DLG2: variants seen among roughly 807,000 people sequenced by gnomAD.
The protein encoded by DLG2 is disks large homolog 2.
In DLG2, 45 loss-of-function variants were observed where a neutral mutation model predicts 132.5. That is an observed-to-expected ratio of 0.34 (90% CI 0.27 to 0.44). DLG2 has a LOEUF of 0.44. Ranked by LOEUF, DLG2 falls within the 20% of genes least tolerant of loss-of-function variation. DLG2 has a pLI of 1.00. For synonymous variants in DLG2, 424 were observed against 419.6 expected, an observed-to-expected ratio of 1.01 and a Z score of -0.13; for missense variants, 1,045 against 1,196.9, an observed-to-expected ratio of 0.87 and a Z score of 1.87.
At chr11:85,592,490 G>A (rs751010300) in intron 3 of DLG2, among the ~76,000 whole-genome samples, 1 of 152,236 alleles carries the variant, frequency 6.6e-6, no homozygotes, top group South Asian at 2.1e-4. Context: ...TCTCTCACAT[G>A]GGCCAGCAAC....
intron 6 of DLG2, among the ~76,000 whole-genome samples, chr11:84,709,788 T>G (rs928370518): frequency 1.8e-4 from 27 of 152,046 alleles, no homozygotes; most frequent in African/African-American, 6.0e-4. Context: ...GCCCCACTAC[T>G]ACTTTCAACA....
chr11:84,893,642 A>G (rs1259472704), intron 6 of DLG2, among the ~76,000 whole-genome samples: 1 of 152,136 alleles, frequency 6.6e-6, no homozygotes, highest in Non-Finnish European at 1.5e-5. Context: ...TTAAAGTAGG[A>G]GGATTAAATA....
intron 3 of DLG2, among the ~76,000 whole-genome samples, chr11:85,318,313 C>T (rs1327936092): frequency 1.3e-5 from 2 of 151,808 alleles, no homozygotes; most frequent in African/African-American, 4.8e-5. Context: ...CCAAATCCTT[C>T]TCCAGAAATT....
At chr11:85,083,537 T>G (rs1299276214) in intron 6 of DLG2, among the ~76,000 whole-genome samples, 1 of 152,148 alleles carries the variant, frequency 6.6e-6, no homozygotes, top group African/African-American at 2.4e-5. Context: ...TGGTTTTATA[T>G]GTTTTAGGGG....
chr11:84,117,745 C>A (rs2093703273), intron 9 of DLG2, among the ~76,000 whole-genome samples: 1 of 152,088 alleles, frequency 6.6e-6, no homozygotes. Flanking sequence ...GCACCTCTAA[C>A]CATGGCTGGC....
At chr11:85,253,700 C>T (rs997031452) in intron 4 of DLG2, among the ~76,000 whole-genome samples, 16 of 152,086 alleles carry the variant, frequency 1.1e-4, no homozygotes, top group Non-Finnish European at 2.4e-4. Flanking sequence ...ACTCATGGCA[C>T]CCGAGTTCTT....
At chr11:83,553,956 C>T (rs1372490640) in intron 19 of DLG2, among the ~76,000 whole-genome samples, 2 of 145,560 alleles carry the variant, frequency 1.4e-5, no homozygotes, top group Admixed American at 7.1e-5. Context: ...AGTGCAGTGG[C>T]GCAATCATAG....
chr11:83,887,076 T>C (rs1375782567), intron 15 of DLG2, among the ~76,000 whole-genome samples: 1 of 152,094 alleles, frequency 6.6e-6, no homozygotes, highest in South Asian at 2.1e-4. Context: ...AAAGCTAGCA[T>C]AAGGCGAGAA....
At chr11:83,970,174 A>G (rs1361162960) in intron 12 of DLG2, among the ~76,000 whole-genome samples, 2 of 152,226 alleles carry the variant, frequency 1.3e-5, no homozygotes, top group African/African-American at 2.4e-5. Flanking sequence ...CAGAGTATGG[A>G]AACTACACAG....
At chr11:83,960,847 A>G (rs2088509413) in intron 14 of DLG2, among the ~76,000 whole-genome samples, 1 of 151,966 alleles carries the variant, frequency 6.6e-6, no homozygotes, top group African/African-American at 2.4e-5. Context: ...ATGGTAAGAG[A>G]GTGGTGGAGG....
intron 15 of DLG2, among the ~76,000 whole-genome samples, chr11:83,894,046 A>G (rs80171821): frequency 0.013 from 2,023 of 152,300 alleles, 42 homozygotes; most frequent in African/African-American, 0.046. Context: ...TATTTAGCCA[A>G]TGTTTACTGA....
At chr11:84,516,504 C>A (rs547239208) in intron 7 of DLG2, among the ~76,000 whole-genome samples, 125 of 151,428 alleles carry the variant, frequency 8.3e-4, no homozygotes, top group African/African-American at 2.8e-3. Context: ...TACAACCTAC[C>A]AAGACTAAAC....
chr11:85,610,523 C>A (rs2080916897), intron 2 of DLG2, among the ~76,000 whole-genome samples: 1 of 152,234 alleles, frequency 6.6e-6, no homozygotes, highest in Non-Finnish European at 1.5e-5. Context: ...CACAGACGAT[C>A]TTGCCCCACG....
rs537732143 is a variant in DLG2, at chr11:84,834,916, T to G, written c.357+276745A>C. 2.8e-4 allele frequency among the ~76,000 whole-genome samples: 42 copies of G among 151,434 alleles called. 1 individual carries two copies. Among genetic ancestry groups the G allele is most frequent in the African/African-American group, 9.7e-4 (40 of 41,410 alleles). ...CAGGGTGTTAATGAAAAAAAAAAAT[T>G]TTTGGGAAAAAATCTGACATCAATT... is the stretch of plus-strand genomic sequence containing the variant. On this transcript the variant is annotated intron_variant, in intron 6 of 27. Transcript: ENST00000376104.
intron 6 of DLG2, among the ~76,000 whole-genome samples, chr11:84,914,369 G>A (rs560855936): frequency 6.6e-6 from 1 of 152,250 alleles, no homozygotes; most frequent in African/African-American, 2.4e-5. Context: ...GGTTCCCCAA[G>A]ACACAGTACA....
intron 19 of DLG2, among the ~76,000 whole-genome samples, chr11:83,626,241 A>G (rs559825974): frequency 6.6e-6 from 1 of 152,342 alleles, no homozygotes; most frequent in African/African-American, 2.4e-5. Flanking sequence ...GGCATGTTGT[A>G]AAAATCAAAA....
At chr11:83,611,844 G>A (rs1467982192) in intron 19 of DLG2, among the ~76,000 whole-genome samples, 1 of 152,208 alleles carries the variant, frequency 6.6e-6, no homozygotes, top group Admixed American at 6.5e-5. Context: ...TGATTTAATA[G>A]CTATTCAAAG....
chr11:84,130,686 C>T (rs1221313733), intron 9 of DLG2, among the ~76,000 whole-genome samples: 1 of 151,584 alleles, frequency 6.6e-6, no homozygotes, highest in Non-Finnish European at 1.5e-5. Context: ...CTATTTGTGT[C>T]CAACTTGTGA....
intron 7 of DLG2, among the ~76,000 whole-genome samples, chr11:84,517,834 T>A (rs886490054): frequency 6.6e-6 from 1 of 151,906 alleles, no homozygotes; most frequent in Non-Finnish European, 1.5e-5. Context: ...AAAAAGGAAA[T>A]ACTGTCATTT....
Sources: allele counts gnomAD v4.1 joint callset (sites outside exome capture counted in the v4.1 genomes callset), GRCh38; gene constraint gnomAD v4.1.1; transcripts MANE v1.5; gene names NCBI Gene and HGNC (gene_info 2026-07-23, HGNC 2026-07-21).